The following USP25 variants were observed in gnomAD, a reference collection of about 807,000 sequenced individuals.
USP25 encodes the protein ubiquitin carboxyl-terminal hydrolase 25.
USP25 carries 85 observed loss-of-function variants against 158.5 expected under a neutral mutation model. The observed-to-expected ratio is 0.54, with a 90% CI of 0.45 to 0.64. The LOEUF (loss-of-function observed/expected upper bound fraction) is 0.64, where lower values mean the gene tolerates loss of function less well. Ranked by LOEUF, USP25 falls within the 30% of genes least tolerant of loss-of-function variation. USP25 has a pLI of 0.00. For missense variants in USP25, 1,242 were observed against 1,327.3 expected, an observed-to-expected ratio of 0.94 and a Z score of 1.00; for synonymous variants, 464 against 460.4, an observed-to-expected ratio of 1.01 and a Z score of -0.10.
At chr21:15,786,058 A>G (rs137884562) in intron 4 of USP25, among the ~76,000 whole-genome samples, 78 of 152,290 alleles carry the variant, frequency 5.1e-4, no homozygotes, top group African/African-American at 1.8e-3. Flanking sequence ...AAAAATGGAT[A>G]AATTCTTGAA....
intron 1 of USP25, among the ~76,000 whole-genome samples, chr21:15,732,927 G>C (rs1249610687): frequency 6.6e-6 from 1 of 152,088 alleles, no homozygotes; most frequent in African/African-American, 2.4e-5. Flanking sequence ...ATGAGATGTA[G>C]TAAAACTGCA....
intron 4 of USP25, among the ~76,000 whole-genome samples, chr21:15,779,428 T>A (rs925539321): frequency 1.4e-4 from 21 of 151,966 alleles, no homozygotes; most frequent in Admixed American, 2.6e-4. Context: ...ATAAAAAGAA[T>A]GTATACTTGA....
At chr21:15,742,728 G>A (rs73355491) in intron 1 of USP25, among the ~76,000 whole-genome samples, 2,698 of 152,252 alleles carry the variant, frequency 0.018, 68 homozygotes, top group African/African-American at 0.062. Flanking sequence ...AGATTTTATC[G>A]GTGCCACTTC....
chr21:15,730,464 G>A (rs1384612002), intron 1 of USP25, 26 bp downstream of exon 1: 7 of 1,337,406 alleles, frequency 5.2e-6, no homozygotes, highest in Non-Finnish European at 5.8e-6. Context: ...CAGCCGGCGG[G>A]CCCCACTTCT....
At chr21:15,857,476 C>T (rs927781790) in intron 20 of USP25, among the ~76,000 whole-genome samples, 29 of 152,090 alleles carry the variant, frequency 1.9e-4, no homozygotes, top group East Asian at 7.7e-4. Flanking sequence ...AAAATGTAAT[C>T]TCATATTTCA....
At position 15,816,330 on chromosome 21, in the gene USP25, T is replaced by C. The variant is rs1401723092; in HGVS notation, c.932-2368T>C. 2.0e-5 allele frequency among the ~76,000 whole-genome samples: 3 copies of C among 152,214 alleles called. No homozygotes were observed. The highest frequency in any genetic ancestry group is 2.9e-5 in the Non-Finnish European group (2 of 68,034). On this transcript the variant is annotated intron_variant, in intron 9 of 25. Coordinates refer to ENST00000400183, the MANE Select transcript of USP25 (RefSeq NM_001283041.3). The surrounding 1 kb of genome is among the most constrained non-coding windows in gnomAD (Gnocchi z 4.0). ...CTGTAGTTCCAATTAATCCTCTTTTTCTTCCCAGTTTGGGATGTGTCTTTA... is the reference window on the plus strand; with the variant it reads ...CTGTAGTTCCAATTAATCCTCTTTTCCTTCCCAGTTTGGGATGTGTCTTTA...
At position 15,842,417 on chromosome 21, in the gene USP25, AG is replaced by A; in HGVS notation, c.2215del (p.Glu739AsnfsTer3). 1 of 1,613,652 alleles carries A rather than the reference AG, an allele frequency of 6.2e-7. No individual in the cohort carries two copies. The highest frequency in any genetic ancestry group is 8.5e-7 in the Non-Finnish European group (1 of 1,179,704). ...ATGAAGCACAAGCAGCAGGAGACCCAGAATATCTAGAGCAGCCATCAAGAAG... is the reference window on the plus strand; with the variant it reads ...ATGAAGCACAAGCAGCAGGAGACCCAAATATCTAGAGCAGCCATCAAGAAG... ...VTTAQAAGDP[E>X]YLEQPSRSDF... On this transcript the variant is annotated frameshift_variant, in exon 18 of 26. Transcript: ENST00000400183. LOFTEE classifies it high-confidence loss of function.
chr21:15,782,424 G>C (rs767346521), intron 4 of USP25, among the ~76,000 whole-genome samples: 1 of 152,192 alleles, frequency 6.6e-6, no homozygotes, highest in Non-Finnish European at 1.5e-5. Context: ...GTCATGCACA[G>C]CCTCCAGACC....
At chr21:15,800,536 TA>T (rs377342923) in intron 6 of USP25, among the ~76,000 whole-genome samples, 12,049 of 138,588 alleles carry the variant, frequency 0.087, 510 homozygotes, top group East Asian at 0.1. Context: ...TAAAAAAAAT[TA>T]AAAAAAAAAA....
At chr21:15,762,288 G>A (rs1776595242) in intron 1 of USP25, among the ~76,000 whole-genome samples, 1 of 151,960 alleles carries the variant, frequency 6.6e-6, no homozygotes, top group African/African-American at 2.4e-5. Context: ...GGGCCATCAG[G>A]GGAGAGTTTG....
chr21:15,802,579 G>T (rs74774121), intron 6 of USP25, among the ~76,000 whole-genome samples: 14,150 of 151,484 alleles, frequency 0.093, 679 homozygotes, highest in African/African-American at 0.096. Context: ...AATGAGTAAT[G>T]TCAGAATATT....
At chr21:15,758,873 A>G (rs1022013947) in intron 1 of USP25, among the ~76,000 whole-genome samples, 14 of 152,246 alleles carry the variant, frequency 9.2e-5, no homozygotes, top group Non-Finnish European at 1.3e-4. Flanking sequence ...CCATGATTCA[A>G]TTACCTTCTA....
intron 20 of USP25, among the ~76,000 whole-genome samples, chr21:15,859,227 C>T (rs2039304268): frequency 6.7e-6 from 1 of 150,008 alleles, no homozygotes; most frequent in African/African-American, 2.4e-5. Context: ...GGGTCTCGCT[C>T]TGTCGCCCAG....
chr21:15,870,006 C>G, intron 22 of USP25, 62 bp from the exon 23 acceptor site: 1 of 1,252,930 alleles, frequency 8.0e-7, no homozygotes, highest in Non-Finnish European at 1.1e-6. Flanking sequence ...ACTTTTTGTA[C>G]AGTTTCATAG....
intron 9 of USP25, among the ~76,000 whole-genome samples, chr21:15,815,236 T>C (rs1182654442): frequency 6.6e-6 from 1 of 152,200 alleles, no homozygotes; most frequent in African/African-American, 2.4e-5. Flanking sequence ...TGTATAGAAA[T>C]GCCTGGATGT....
chr21:15,876,687 C>T (rs1162683225), intron 24 of USP25: 8 of 152,184 alleles, frequency 5.3e-5, no homozygotes, highest in Non-Finnish European at 8.8e-5. Context: ...GTCTCTTCCT[C>T]AACACCTGGG....
chr21:15,781,206 C>T (rs528229510), intron 4 of USP25, among the ~76,000 whole-genome samples: 6 of 152,296 alleles, frequency 3.9e-5, no homozygotes, highest in South Asian at 4.1e-4. Flanking sequence ...GGCTCTCCTA[C>T]GGCCAGATAC....
intron 9 of USP25, 92 bp from the exon 10 acceptor site, chr21:15,818,606 A>C (rs79621284): frequency 8.8e-7 from 1 of 1,137,040 alleles, no homozygotes; most frequent in Admixed American, 2.4e-5. Context: ...CAGTGTTACA[A>C]TTTTCAGGTT....
chr21:15,860,975 T>TATATAGAG (rs910137325), intron 20 of USP25, among the ~76,000 whole-genome samples: 57 of 140,658 alleles, frequency 4.1e-4, no homozygotes, highest in Admixed American at 7.9e-4. Flanking sequence ...TATATATATA[T>TATATAGAG]AGAGAGAGAG....
Sources: allele counts gnomAD v4.1 joint callset (sites outside exome capture counted in the v4.1 genomes callset), GRCh38; gene constraint gnomAD v4.1.1; non-coding constraint Gnocchi (gnomAD v3.1); transcripts MANE v1.5; gene names NCBI Gene and HGNC (gene_info 2026-07-23, HGNC 2026-07-21).